The following KCND2 variants were observed in gnomAD, a reference collection of about 807,000 sequenced individuals.
KCND2 encodes the protein potassium voltage-gated channel subfamily D member 2, also known as A-type voltage-gated potassium channel KCND2.
In KCND2, 16 loss-of-function variants were observed where a neutral mutation model predicts 54.4. The ratio of observed to expected loss-of-function variants is 0.29; its 90% CI spans 0.20 to 0.45. KCND2 has a LOEUF of 0.45. KCND2 is among the 20% of genes least tolerant of loss of function. The pLI, the probability that KCND2 is intolerant of heterozygous loss-of-function variation, is 1.00. For missense variants in KCND2, 486 were observed against 824.2 expected (o/e 0.59, Z 5.02); for synonymous variants, 317 against 310.7 (o/e 1.02, Z -0.21).
chr7:120,405,250 A>G (rs1283023970), intron 1 of KCND2, among the ~76,000 whole-genome samples: 3 of 152,240 alleles, frequency 2.0e-5, no homozygotes, highest in East Asian at 3.9e-4. Flanking sequence ...GTCATTTTCA[A>G]TTTTAAAGCT....
At chr7:120,577,440 G>T (rs1258496683) in intron 1 of KCND2, among the ~76,000 whole-genome samples, 3 of 152,072 alleles carry the variant, frequency 2.0e-5, no homozygotes, top group Non-Finnish European at 4.4e-5. Context: ...AATTCTATAA[G>T]GGACTTTCTC....
At chr7:120,504,893 A>G (rs901515730) in intron 1 of KCND2, among the ~76,000 whole-genome samples, 6 of 151,568 alleles carry the variant, frequency 4.0e-5, no homozygotes, top group African/African-American at 1.4e-4. Context: ...CTTTTTTAGC[A>G]CGTGAGTAGG....
At chr7:120,422,702 G>T (rs545545327) in intron 1 of KCND2, among the ~76,000 whole-genome samples, 1 of 152,192 alleles carries the variant, frequency 6.6e-6, no homozygotes, top group East Asian at 1.9e-4. Context: ...CTTTCTCTGG[G>T]CTTTCTCACC....
In KCND2 at chr7:120,330,581, CAAAAA is replaced by C. The variant is rs3067024; in HGVS notation, c.1115+54856_1115+54860del. 3.7e-3 allele frequency among the ~76,000 whole-genome samples: 179 copies of C among 48,380 alleles called. 1 individual carries two copies. The highest frequency in any genetic ancestry group is 9.2e-3 in the Admixed American group (25 of 2,718). 31.7% of individuals were successfully genotyped at this position (48,380 alleles called of 152,430 possible). A position where few individuals can be genotyped will look rare whatever the true frequency, so the allele number is the denominator to read the frequency against. ...GGGTGACAAGAGCAAAACTCTGTCTCAAAAAAAAAAAAAAAAAAAAAAAAAAGTTA... is the reference window on the plus strand; with the variant it reads ...GGGTGACAAGAGCAAAACTCTGTCTCAAAAAAAAAAAAAAAAAAAAAGTTA... On this transcript the variant is annotated intron_variant, in intron 1 of 5. Coordinates refer to ENST00000331113, the MANE Select transcript of KCND2 (RefSeq NM_012281.3).
At chr7:120,696,452 T>C (rs543370486) in intron 1 of KCND2, among the ~76,000 whole-genome samples, 19 of 152,178 alleles carry the variant, frequency 1.2e-4, no homozygotes, top group Non-Finnish European at 2.5e-4. Flanking sequence ...CATACTAAAT[T>C]TGGCCATGTT....
intron 1 of KCND2, among the ~76,000 whole-genome samples, chr7:120,353,728 A>G (rs1800450536): frequency 6.6e-6 from 1 of 152,158 alleles, no homozygotes; most frequent in African/African-American, 2.4e-5. Flanking sequence ...TCTCTGAGAT[A>G]CTTTTAAAGG....
chr7:120,679,504 A>G (rs1362773213), intron 1 of KCND2, among the ~76,000 whole-genome samples: 1 of 152,076 alleles, frequency 6.6e-6, no homozygotes, highest in African/African-American at 2.4e-5. Flanking sequence ...AACTGACATG[A>G]TTCCTTTTAA....
chr7:120,274,818 C>T lies in KCND2; in HGVS notation c.186C>T (p.Tyr62=), dbSNP rs1409436033. ...CGTGGCAGGACACCCTGGAACGTTA[C>T]CCAGACACTCTACTGGGCAGTTCTG... ...FQTWQDTLER[Y]PDTLLGSSER... is the part of the protein sequence containing the mutation. Residue 62 remains tyrosine, a synonymous_variant, in exon 1 of 6, where the codon TAC becomes TAT. Coordinates refer to ENST00000331113, the MANE Select transcript of KCND2 (RefSeq NM_012281.3). 1 of 1,614,132 alleles carries T rather than the reference C, an allele frequency of 6.2e-7. No individual in the cohort carries two copies. The highest frequency in any genetic ancestry group is 1.1e-5 in the South Asian group (1 of 91,082).
intron 1 of KCND2, among the ~76,000 whole-genome samples, chr7:120,655,245 C>A (rs1791786951): frequency 2.0e-5 from 3 of 151,906 alleles, no homozygotes. Context: ...CCAAAAGAGG[C>A]AGCATCAGCT....
intron 1 of KCND2, among the ~76,000 whole-genome samples, chr7:120,594,333 A>G (rs761840058): frequency 3.3e-5 from 5 of 152,228 alleles, no homozygotes; most frequent in Non-Finnish European, 7.3e-5. Context: ...TGCTTTCACA[A>G]ATTACCATAG....
At chr7:120,284,822 T>C (rs776875042) in intron 1 of KCND2, among the ~76,000 whole-genome samples, 48 of 152,134 alleles carry the variant, frequency 3.2e-4, no homozygotes, top group Non-Finnish European at 3.8e-4. Context: ...CCCATTATAT[T>C]TCTTTCTCTA....
At position 120,639,665 on chromosome 7, in the gene KCND2, T is replaced by C. The variant is rs376939647; in HGVS notation, c.1116-93238T>C. On this transcript the variant is annotated intron_variant, in intron 1 of 5. Transcript: ENST00000331113. ...GAAATACAAGCAACCTTTATGCTAA[T>C]ATTGAGTAGCATATGAGAGTAAGGA... Among the ~76,000 whole-genome samples the C allele has an allele frequency of 1.2e-3, 183 of 152,306 alleles. 5 individuals are homozygous for C. The South Asian group carries it at 0.037, about 31-fold the overall frequency.
chr7:120,321,020 T>G (rs911190036), intron 1 of KCND2, among the ~76,000 whole-genome samples: 2 of 152,136 alleles, frequency 1.3e-5, no homozygotes, highest in Non-Finnish European at 2.9e-5. Context: ...TGTTTGACAG[T>G]GCCCAATTCA....
At chr7:120,679,512 T>TA (rs1328637908) in intron 1 of KCND2, among the ~76,000 whole-genome samples, 3 of 152,072 alleles carry the variant, frequency 2.0e-5, no homozygotes, top group Admixed American at 6.6e-5. Context: ...TGATTCCTTT[T>TA]AAAATGAGAC....
chr7:120,740,382 T>C (rs1391320905), intron 2 of KCND2, among the ~76,000 whole-genome samples: 1 of 152,042 alleles, frequency 6.6e-6, no homozygotes, highest in Non-Finnish European at 1.5e-5. Context: ...AGACTAAAGA[T>C]AGTATTTTTC....
rs543017028 is a variant in KCND2, at chr7:120,467,251, C to T, written c.1115+191504C>T. Among the ~76,000 whole-genome samples, 24 of 152,106 alleles carry T rather than the reference C, an allele frequency of 1.6e-4. No homozygotes were observed. The South Asian group carries it at 1.7e-3, about 11-fold the overall frequency. On this transcript the variant is annotated intron_variant, in intron 1 of 5. Coordinates refer to ENST00000331113, the MANE Select transcript of KCND2 (RefSeq NM_012281.3). ...TAGAGGAAGAAGAGTTAGACTTGGACGACATTTCAACTGAAAATAAGCCAA... is the reference window on the plus strand; with the variant it reads ...TAGAGGAAGAAGAGTTAGACTTGGATGACATTTCAACTGAAAATAAGCCAA...
Position 120,668,117 on chromosome 7 carries a change from GA to G in KCND2, c.1116-64778del, listed in dbSNP as rs559089489. On this transcript the variant is annotated intron_variant, in intron 1 of 5. Transcript: ENST00000331113. ...CACTCTCAAATAATGGCTTACTAGA[GA>G]AAAAAAATTAAAAACTGGGACAAGG... Among the ~76,000 whole-genome samples, 16 of 151,740 alleles carry G rather than the reference GA, an allele frequency of 1.1e-4. 1 individual carries two copies. The South Asian group carries it at 3.3e-3, about 32-fold the overall frequency.
chr7:120,618,713 A>T (rs1793059848), intron 1 of KCND2, among the ~76,000 whole-genome samples: 1 of 152,246 alleles, frequency 6.6e-6, no homozygotes, highest in South Asian at 2.1e-4. Flanking sequence ...TGTTTAATTT[A>T]GGGTAAACTA....
At chr7:120,454,862 A>C (rs2116225808) in intron 1 of KCND2, among the ~76,000 whole-genome samples, 1 of 152,312 alleles carries the variant, frequency 6.6e-6, no homozygotes, top group South Asian at 2.1e-4. Flanking sequence ...AGTGTACAAA[A>C]ATCAGTAGCA....
Sources: allele counts gnomAD v4.1 joint callset (sites outside exome capture counted in the v4.1 genomes callset), GRCh38; gene constraint gnomAD v4.1.1; transcripts MANE v1.5; gene names NCBI Gene and HGNC (gene_info 2026-07-23, HGNC 2026-07-21).